Variants in HPSE2 observed in about 807,000 individuals in gnomAD.
HPSE2 encodes heparanase 2 (inactive).
HPSE2 carries 38 observed loss-of-function variants against 60.5 expected under a neutral mutation model. The ratio of observed to expected loss-of-function variants is 0.63; its 90% CI spans 0.48 to 0.82. HPSE2 has a LOEUF of 0.82. Ranked by LOEUF, HPSE2 falls within the 40% of genes least tolerant of loss-of-function variation. HPSE2 has a pLI of 0.00. For synonymous variants in HPSE2, 295 were observed against 293.2 expected, an observed-to-expected ratio of 1.01 and a Z score of -0.06; for missense variants, 713 against 740.4, an observed-to-expected ratio of 0.96 and a Z score of 0.43.
At chr10:99,235,886 C>CTTTTTCCCCCCTT, upstream of HPSE2, 1 of 1,210,548 alleles carries the variant, frequency 8.3e-7, no homozygotes, top group Non-Finnish European at 1.2e-6. Flanking sequence ...GTCTGTCCGC[C>CTTTTTCCCCCCTT]TTTTTCCCCC....
chr10:98,830,160 T>C (rs1167321804), intron 3 of HPSE2, among the ~76,000 whole-genome samples: 2 of 152,216 alleles, frequency 1.3e-5, no homozygotes, highest in African/African-American at 4.8e-5. Context: ...ATAAATACTA[T>C]TGCCTACTAT....
intron 3 of HPSE2, among the ~76,000 whole-genome samples, chr10:98,903,119 C>T (rs1244225415): frequency 6.6e-6 from 1 of 152,086 alleles, no homozygotes; most frequent in Non-Finnish European, 1.5e-5. Flanking sequence ...TTACAAGCAA[C>T]AACATGAATG....
the HPSE2 span, among the ~76,000 whole-genome samples, chr10:99,255,967 T>C: frequency 6.6e-6 from 1 of 152,116 alleles, no homozygotes; most frequent in Non-Finnish European, 1.5e-5. Flanking sequence ...CTTACAATCA[T>C]GGCAGAAGGC....
At chr10:98,723,800 C>G (rs572223865) in intron 4 of HPSE2, among the ~76,000 whole-genome samples, 1 of 152,056 alleles carries the variant, frequency 6.6e-6, no homozygotes, top group Non-Finnish European at 1.5e-5. Flanking sequence ...TCTGTGGGAT[C>G]GGTGGTGATA....
chr10:98,597,913 G>A lies in HPSE2; in HGVS notation c.1320+16991C>T, dbSNP rs373517412. Reference sequence around the variant, plus strand: ...TTCAACCCAGGAGGTGGAGGTTGCAGTGAGCCGAGATCATGCCACTGCACT... The same window carrying A: ...TTCAACCCAGGAGGTGGAGGTTGCAATGAGCCGAGATCATGCCACTGCACT... On this transcript the variant is annotated intron_variant, in intron 9 of 11. Coordinates refer to ENST00000370552, the MANE Select transcript of HPSE2 (RefSeq NM_021828.5). Among the ~76,000 whole-genome samples, 12 of 141,476 alleles carry A rather than the reference G, an allele frequency of 8.5e-5. No individual in the cohort carries two copies. The East Asian group carries it at 1.7e-3, about 21-fold the overall frequency. 92.8% of individuals were successfully genotyped at this position (141,476 alleles called of 152,430 possible).
chr10:98,585,727 G>A (rs796128297), intron 9 of HPSE2, among the ~76,000 whole-genome samples: 12 of 151,820 alleles, frequency 7.9e-5, no homozygotes, highest in African/African-American at 2.2e-4. Flanking sequence ...CGAGGTGGGT[G>A]GATCACCTGA....
intron 3 of HPSE2, among the ~76,000 whole-genome samples, chr10:99,110,624 T>A (rs1463715641): frequency 6.6e-6 from 1 of 152,160 alleles, no homozygotes; most frequent in Non-Finnish European, 1.5e-5. Context: ...AAATAAATAT[T>A]ATACTTAAAT....
intron 5 of HPSE2, among the ~76,000 whole-genome samples, chr10:98,716,954 T>C (rs570865288): frequency 4.6e-5 from 7 of 152,142 alleles, no homozygotes; most frequent in African/African-American, 1.4e-4. Flanking sequence ...ATAGAGACCC[T>C]ACGATTTTCA....
intron 3 of HPSE2, among the ~76,000 whole-genome samples, chr10:98,777,740 T>C (rs1054583522): frequency 5.3e-5 from 8 of 152,174 alleles, no homozygotes; most frequent in Non-Finnish European, 7.4e-5. Context: ...AGGTTGTTTA[T>C]GGAGGAGTCC....
intron 9 of HPSE2, among the ~76,000 whole-genome samples, chr10:98,547,998 T>C (rs1439350531): frequency 6.6e-6 from 1 of 152,114 alleles, no homozygotes; most frequent in African/African-American, 2.4e-5. Flanking sequence ...ATATAATAGA[T>C]TTATGAGATT....
chr10:98,463,308 C>G (rs938753222), intron 11 of HPSE2, among the ~76,000 whole-genome samples: 2 of 152,222 alleles, frequency 1.3e-5, no homozygotes, highest in Admixed American at 1.3e-4. Context: ...GCCAGTCCCC[C>G]CTCCAACGCT....
intron 3 of HPSE2, among the ~76,000 whole-genome samples, chr10:98,905,340 G>A (rs1231059695): frequency 6.8e-6 from 1 of 147,618 alleles, no homozygotes; most frequent in Non-Finnish European, 1.5e-5. Flanking sequence ...TCCCCAGAGT[G>A]TGATATTCCC....
intron 3 of HPSE2, among the ~76,000 whole-genome samples, chr10:99,067,775 T>C (rs1461749398): frequency 6.6e-6 from 1 of 152,238 alleles, no homozygotes; most frequent in African/African-American, 2.4e-5. Context: ...ATTTTCCCCA[T>C]TGTCTTAGTG....
chr10:98,859,569 G>A (rs185886242), intron 3 of HPSE2, among the ~76,000 whole-genome samples: 2 of 152,244 alleles, frequency 1.3e-5, no homozygotes, highest in Admixed American at 1.3e-4. Context: ...ATCTTCTCCT[G>A]CCCTTGGACA....
chr10:98,699,271 C>T (rs1029104561), intron 5 of HPSE2, among the ~76,000 whole-genome samples: 2 of 151,924 alleles, frequency 1.3e-5, no homozygotes, highest in Non-Finnish European at 2.9e-5. Context: ...AATCCAGCAG[C>T]ACATCAAAAA....
chr10:98,765,525 G>C (rs893852975), intron 3 of HPSE2, among the ~76,000 whole-genome samples: 1 of 152,118 alleles, frequency 6.6e-6, no homozygotes, highest in Admixed American at 6.5e-5. Flanking sequence ...CAGGAAAATT[G>C]ATAGCAAAAA....
At chr10:99,050,831 C>A (rs1957974270) in intron 3 of HPSE2, among the ~76,000 whole-genome samples, 1 of 151,966 alleles carries the variant, frequency 6.6e-6, no homozygotes, top group Admixed American at 6.6e-5. Context: ...TGGTGGTTAC[C>A]AAAGGCTGCA....
At chr10:99,315,432 G>T in the HPSE2 span, among the ~76,000 whole-genome samples, 1 of 152,098 alleles carries the variant, frequency 6.6e-6, no homozygotes. Context: ...GTTCACAGAC[G>T]ACCAGAATTC....
chr10:99,301,465 T>C, the HPSE2 span, among the ~76,000 whole-genome samples: 20 of 152,198 alleles, frequency 1.3e-4, no homozygotes, highest in Non-Finnish European at 4.4e-5. Context: ...GGACAAGGAC[T>C]TTGGTCCCAA....
Sources: gnomAD v4.1 joint callset for allele counts (sites outside exome capture counted in the v4.1 genomes callset) on GRCh38, gnomAD v4.1.1 for gene constraint, MANE v1.5 for transcripts, NCBI Gene and HGNC (gene_info 2026-07-23, HGNC 2026-07-21) for gene names.